The following FHIT variants were observed in gnomAD, a reference collection of about 807,000 sequenced individuals.
FHIT encodes the protein fragile histidine triad diadenosine triphosphatase.
In FHIT, 19 loss-of-function variants were observed where a neutral mutation model predicts 17.9. The ratio of observed to expected loss-of-function variants is 1.06; its 90% CI spans 0.74 to 1.56. The LOEUF (loss-of-function observed/expected upper bound fraction) is 1.56. Among genes scored for constraint, FHIT ranks in the 40% most tolerant of loss-of-function variants. The pLI is 0.00. For synonymous variants in FHIT, 81 were observed against 69.7 expected, an observed-to-expected ratio of 1.16 and a Z score of -0.81; for missense variants, 248 against 189.2, an observed-to-expected ratio of 1.31 and a Z score of -1.82.
chr3:59,970,101 A>G (rs1384468277), intron 7 of FHIT, among the ~76,000 whole-genome samples: 1 of 152,056 alleles, frequency 6.6e-6, no homozygotes, highest in East Asian at 1.9e-4. Context: ...CCCAGCTAAC[A>G]CTACCTCTTT....
intron 5 of FHIT, among the ~76,000 whole-genome samples, chr3:60,120,446 T>C (rs1377083532): frequency 2.0e-5 from 3 of 152,244 alleles, no homozygotes; most frequent in Non-Finnish European, 4.4e-5. Flanking sequence ...GGTTTCACCA[T>C]GGAAGGCATA....
chr3:60,707,318 T>C (rs1333287001), intron 4 of FHIT, among the ~76,000 whole-genome samples: 11 of 152,204 alleles, frequency 7.2e-5, no homozygotes, highest in African/African-American at 2.7e-4. Flanking sequence ...GCAAAGCCAC[T>C]GACACAGGAG....
intron 2 of FHIT, among the ~76,000 whole-genome samples, chr3:61,150,411 TC>T (rs1483366336): frequency 1.3e-5 from 2 of 151,966 alleles, no homozygotes; most frequent in Admixed American, 6.6e-5. Context: ...GCTCAAGTGA[TC>T]CTCCCACCTC....
At chr3:61,037,415 TG>T (rs1353468244) in intron 3 of FHIT, among the ~76,000 whole-genome samples, 1 of 152,182 alleles carries the variant, frequency 6.6e-6, no homozygotes, top group Non-Finnish European at 1.5e-5. Context: ...CATATACCAC[TG>T]GGAGTATACC....
chr3:60,409,107 A>T (rs188840404), intron 5 of FHIT, among the ~76,000 whole-genome samples: 10 of 152,308 alleles, frequency 6.6e-5, no homozygotes, highest in African/African-American at 2.4e-4. Context: ...TACAGATTTC[A>T]TTGGATTCTT....
intron 4 of FHIT, among the ~76,000 whole-genome samples, chr3:60,558,348 T>C (rs892835166): frequency 1.3e-5 from 2 of 151,832 alleles, no homozygotes; most frequent in Non-Finnish European, 2.9e-5. Flanking sequence ...CAATTACCCT[T>C]AGTAACAGCA....
At position 60,834,671 on chromosome 3, in the gene FHIT, C is replaced by T. The variant is rs150129297; in HGVS notation, c.-110-12660G>A. Among the ~76,000 whole-genome samples the T allele has an allele frequency of 2.2e-4, 33 of 151,552 alleles. No homozygotes were observed. In the East Asian group the frequency reaches 3.9e-3, roughly 18 times the overall value. ...TCAGGAGTTTGAGACCTGGCCAACA[C>T]GGCAAAAGCCAGTCTCAACTAAAAA... On this transcript the variant is annotated intron_variant, in intron 3 of 9. Transcript: ENST00000492590.
At chr3:60,208,627 C>T (rs1427752571) in intron 5 of FHIT, among the ~76,000 whole-genome samples, 1 of 152,166 alleles carries the variant, frequency 6.6e-6, no homozygotes, top group Non-Finnish European at 1.5e-5. Flanking sequence ...TCAGTATTTG[C>T]TAAGAAATAA....
At chr3:60,535,653 G>C (rs186142691) in intron 5 of FHIT, among the ~76,000 whole-genome samples, 2 of 151,678 alleles carry the variant, frequency 1.3e-5, no homozygotes, top group East Asian at 1.9e-4. Flanking sequence ...TAAAAGAAGA[G>C]TTTTAAATAT....
intron 4 of FHIT, among the ~76,000 whole-genome samples, chr3:60,740,298 G>T (rs1176672917): frequency 1.3e-5 from 2 of 152,146 alleles, no homozygotes; most frequent in Non-Finnish European, 2.9e-5. Context: ...TCTAGATTCT[G>T]CCATTTGCTT....
chr3:60,897,273 C>G (rs1705874057), intron 3 of FHIT, among the ~76,000 whole-genome samples: 1 of 152,248 alleles, frequency 6.6e-6, no homozygotes, highest in Middle Eastern at 3.4e-3. Flanking sequence ...CTTAAGGACC[C>G]TTTTTTATCA....
intron 4 of FHIT, among the ~76,000 whole-genome samples, chr3:60,639,765 A>T (rs2039679772): frequency 6.6e-6 from 1 of 152,228 alleles, no homozygotes; most frequent in South Asian, 2.1e-4. Context: ...GATGGAAGAA[A>T]GAGTACTAGG....
intron 5 of FHIT, among the ~76,000 whole-genome samples, chr3:60,075,621 G>A (rs929619217): frequency 4.6e-5 from 7 of 152,170 alleles, no homozygotes; most frequent in South Asian, 4.1e-4. Flanking sequence ...ACTGTGCACC[G>A]TGAAGCTCTC....
intron 8 of FHIT, among the ~76,000 whole-genome samples, chr3:59,761,673 C>G (rs1176338710): frequency 6.6e-6 from 1 of 151,392 alleles, no homozygotes; most frequent in East Asian, 1.9e-4. Flanking sequence ...GTGGCATGAT[C>G]TCGGCTCACT....
intron 8 of FHIT, among the ~76,000 whole-genome samples, chr3:59,774,295 T>C (rs1354187006): frequency 6.6e-6 from 1 of 152,220 alleles, no homozygotes; most frequent in Non-Finnish European, 1.5e-5. Context: ...CGACAGAAAC[T>C]GAATAGCCTG....
chr3:61,056,565 C>T (rs1407760758), intron 2 of FHIT, among the ~76,000 whole-genome samples: 1 of 152,078 alleles, frequency 6.6e-6, no homozygotes, highest in Non-Finnish European at 1.5e-5. Context: ...GGAGGCCTTC[C>T]CATGTCAATG....
At chr3:60,420,451 G>A (rs1003996757) in intron 5 of FHIT, among the ~76,000 whole-genome samples, 1 of 152,104 alleles carries the variant, frequency 6.6e-6, no homozygotes, top group East Asian at 1.9e-4. Flanking sequence ...AGATTACTGT[G>A]TTAAAGGCTA....
At chr3:61,230,204 CCA>C (rs1447630417) in intron 1 of FHIT, among the ~76,000 whole-genome samples, 1 of 151,950 alleles carries the variant, frequency 6.6e-6, no homozygotes, top group Admixed American at 6.6e-5. Context: ...ATTATAATTC[CCA>C]GTGTCAGAGG....
chr3:60,816,731 C>T (rs1399191362), intron 4 of FHIT, among the ~76,000 whole-genome samples: 1 of 151,674 alleles, frequency 6.6e-6, no homozygotes, highest in Non-Finnish European at 1.5e-5. Context: ...GGTTTGCTAT[C>T]AGGGTGATGC....
Sources: allele counts gnomAD v4.1 joint callset (sites outside exome capture counted in the v4.1 genomes callset), GRCh38; gene constraint gnomAD v4.1.1; transcripts MANE v1.5; gene names NCBI Gene and HGNC (gene_info 2026-07-23, HGNC 2026-07-21).